CENPP: variants seen among roughly 807,000 people sequenced by gnomAD.
CENPP encodes centromere protein P.
Under a neutral mutation model 35.6 loss-of-function variants are expected in CENPP, and 24 were observed. The ratio of observed to expected loss-of-function variants is 0.67; its 90% CI spans 0.49 to 0.95. The LOEUF (loss-of-function observed/expected upper bound fraction) is 0.95. CENPP is among the 40% of genes least tolerant of loss of function. The pLI is 0.00. For missense variants in CENPP, 332 were observed against 345.3 expected (o/e 0.96, Z 0.31); for synonymous variants, 120 against 125.5 (o/e 0.96, Z 0.29).
At chr9:92,396,406 T>C (rs1842892600) in intron 5 of CENPP, among the ~76,000 whole-genome samples, 1 of 152,200 alleles carries the variant, frequency 6.6e-6, no homozygotes, top group Admixed American at 6.5e-5. Context: ...AGGATTTTGA[T>C]TGGGATTGTG....
At chr9:92,390,886 A>T (rs1842649590) in intron 5 of CENPP, among the ~76,000 whole-genome samples, 1 of 152,172 alleles carries the variant, frequency 6.6e-6, no homozygotes, top group African/African-American at 2.4e-5. Flanking sequence ...CTTATCTAAC[A>T]TATTTTCCCT....
At chr9:92,573,592 C>A (rs1054363676) in intron 5 of CENPP, among the ~76,000 whole-genome samples, 2 of 152,212 alleles carry the variant, frequency 1.3e-5, no homozygotes, top group South Asian at 4.1e-4. Flanking sequence ...AGATCTCAAA[C>A]TCCGTGCTGG....
chr9:92,492,386 A>T (rs1277775011), intron 5 of CENPP, among the ~76,000 whole-genome samples: 1 of 152,240 alleles, frequency 6.6e-6, no homozygotes, highest in Non-Finnish European at 1.5e-5. Flanking sequence ...AGTGGGAATA[A>T]TCGTCTTGAT....
At chr9:92,594,892 CTTTTTTTTT>C (rs1213825480) in intron 5 of CENPP, among the ~76,000 whole-genome samples, 65 of 105,108 alleles carry the variant, frequency 6.2e-4, no homozygotes, top group African/African-American at 1.6e-3. Context: ...GGTTGCTCTT[CTTTTTTTTT>C]TTTTTTTTTT....
At chr9:92,575,366 C>G (rs541125830) in intron 5 of CENPP, among the ~76,000 whole-genome samples, 1 of 152,280 alleles carries the variant, frequency 6.6e-6, no homozygotes, top group South Asian at 2.1e-4. Flanking sequence ...CAAAACAACT[C>G]TGTTCAAAAA....
rs72754411 is a variant in CENPP at position 92,476,182 on chromosome 9, G to A, written c.564+96323G>A. ...TAGTCCTCCAGGCCTGCCATTGCCC[G>A]AGTGCCAGAGAGCAGCTGAGCTGCA... On this transcript the variant is annotated intron_variant, in intron 5 of 7. Transcript: ENST00000375587. The surrounding 1 kb of genome is among the most constrained non-coding windows in gnomAD (Gnocchi z 4.1). Among the ~76,000 whole-genome samples the A allele has an allele frequency of 0.031, 4,730 of 152,162 alleles. 114 individuals carry two copies. The highest frequency in any genetic ancestry group is 0.083 in the South Asian group (400 of 4,812).
intron 5 of CENPP, among the ~76,000 whole-genome samples, chr9:92,434,382 CTG>C (rs1162814844): frequency 7.5e-6 from 1 of 133,514 alleles, no homozygotes; most frequent in Non-Finnish European, 1.5e-5. Context: ...GGGCGAGACT[CTG>C]TCTCAAAAAA....
chr9:92,364,893 A>C (rs1041403356), intron 4 of CENPP, among the ~76,000 whole-genome samples: 2 of 152,152 alleles, frequency 1.3e-5, no homozygotes, highest in African/African-American at 4.8e-5. Context: ...AACCTAGGAG[A>C]GTGCCTTGTA....
At chr9:92,441,546 C>G (rs1844386801) in intron 5 of CENPP, among the ~76,000 whole-genome samples, 1 of 152,026 alleles carries the variant, frequency 6.6e-6, no homozygotes, top group Non-Finnish European at 1.5e-5. Context: ...ATCACTTGAG[C>G]CCAGGAGTTC....
At chr9:92,453,951 A>T (rs1844795508) in intron 5 of CENPP, among the ~76,000 whole-genome samples, 2 of 152,036 alleles carry the variant, frequency 1.3e-5, no homozygotes, top group African/African-American at 4.8e-5. Flanking sequence ...GAAAGACCTC[A>T]TCTCAGGAAA....
chr9:92,552,099 A>ATCTATCATATATGTGATATGATAGG (rs1849621744), intron 5 of CENPP, among the ~76,000 whole-genome samples: 1 of 120,670 alleles, frequency 8.3e-6, no homozygotes, highest in South Asian at 2.7e-4. Context: ...GATATGATAG[A>ATCTATCATATATGTGATATGATAGG]TCTATCATAT....
intron 2 of CENPP, among the ~76,000 whole-genome samples, chr9:92,333,630 A>T (rs1419895510): frequency 1.3e-5 from 2 of 152,212 alleles, no homozygotes; most frequent in Non-Finnish European, 2.9e-5. Context: ...TAGTTATAGG[A>T]GTTTCTTGAA....
intron 4 of CENPP, among the ~76,000 whole-genome samples, chr9:92,370,252 A>G (rs1225984124): frequency 6.6e-6 from 1 of 152,124 alleles, no homozygotes; most frequent in Non-Finnish European, 1.5e-5. Context: ...ATCTGTGTTC[A>G]TCAGGAATAT....
At chr9:92,331,468 C>T (rs1354456442) in intron 1 of CENPP, among the ~76,000 whole-genome samples, 2 of 152,252 alleles carry the variant, frequency 1.3e-5, no homozygotes, top group African/African-American at 2.4e-5. Context: ...GCGTGAGCCA[C>T]GGCGCCTGGC....
chr9:92,619,672 A>G lies in CENPP; in HGVS notation c.*6523A>G, dbSNP rs1851562264. 2 of 1,018,054 alleles carry G rather than the reference A, an allele frequency of 2.0e-6. No individual in the cohort carries two copies. Among genetic ancestry groups the G allele is most frequent in the Non-Finnish European group, 3.0e-6 (2 of 673,470 alleles). The allele number at this position is 1,018,054 out of a possible 1,614,324, so 63.1% of individuals were successfully genotyped here. ...TGTGGGAACTGCTTCCTGCCTCAGA[A>G]CCTGAGGGTGGGATTAGGAGCGAGG... On this transcript the variant is annotated 3_prime_UTR_variant, in exon 8 of 8. Transcript: ENST00000375587.
intron 5 of CENPP, among the ~76,000 whole-genome samples, chr9:92,564,336 C>T (rs1480740982): frequency 6.6e-6 from 1 of 151,838 alleles, no homozygotes; most frequent in East Asian, 1.9e-4. Context: ...CTGCAGTGAG[C>T]CAAGATCACA....
At chr9:92,373,719 G>A (rs528626600) in intron 4 of CENPP, among the ~76,000 whole-genome samples, 33 of 152,092 alleles carry the variant, frequency 2.2e-4, no homozygotes, top group African/African-American at 7.2e-4. Flanking sequence ...CCAGCTACTC[G>A]GGAGGCTGAG....
intron 5 of CENPP, among the ~76,000 whole-genome samples, chr9:92,604,611 T>G (rs1258495418): frequency 6.6e-6 from 1 of 152,238 alleles, no homozygotes; most frequent in Non-Finnish European, 1.5e-5. Flanking sequence ...ATTTATTTTT[T>G]GAGATGGAGT....
intron 5 of CENPP, among the ~76,000 whole-genome samples, chr9:92,419,728 G>A (rs369916433): frequency 6.6e-6 from 1 of 152,138 alleles, no homozygotes; most frequent in South Asian, 2.1e-4. Context: ...TAGGAAAAAG[G>A]TTTTAAAAAA....
Sources: gnomAD v4.1 joint callset for allele counts (sites outside exome capture counted in the v4.1 genomes callset) on GRCh38, gnomAD v4.1.1 for gene constraint, Gnocchi (gnomAD v3.1) non-coding constraint, MANE v1.5 for transcripts, NCBI Gene and HGNC (gene_info 2026-07-23, HGNC 2026-07-21) for gene names.